Variants in CORO7 observed in about 807,000 individuals in gnomAD.
CORO7 encodes the protein coronin-7.
Under a neutral mutation model 126.6 loss-of-function variants are expected in CORO7, and 107 were observed. That is an observed-to-expected ratio of 0.85 (90% CI 0.72 to 0.99). The LOEUF is 0.99. Among genes scored for constraint, CORO7 ranks in the 50% least tolerant of loss-of-function variants. The probability of loss-of-function intolerance (pLI) is 0.00; values close to 1 mark genes in which losing one functional copy is unlikely to be tolerated. For missense variants in CORO7, 1,314 were observed against 1,255.8 expected, an observed-to-expected ratio of 1.05 and a Z score of -0.70; for synonymous variants, 603 against 536.8, an observed-to-expected ratio of 1.12 and a Z score of -1.70.
At chr16:4,371,780 G>GGCCCCGCCCCTGCCGCGGCGGGCCC (rs2054533446) in intron 9 of CORO7, 2 of 152,168 alleles carry the variant, frequency 1.3e-5, no homozygotes, top group African/African-American at 4.8e-5. Context: ...AATGGGGAGA[G>GGCCCCGCCCCTGCCGCGGCGGGCCC]GCCCCGCCCC....
chr16:4,379,590 G>A (rs1457285805), intron 9 of CORO7, among the ~76,000 whole-genome samples: 1 of 152,150 alleles, frequency 6.6e-6, no homozygotes. Flanking sequence ...TGTCTGCCCT[G>A]ACGTGGCTGC....
At chr16:4,382,690 A>G (rs1186848745) in intron 9 of CORO7, 4 of 1,547,178 alleles carry the variant, frequency 2.6e-6, no homozygotes, top group Non-Finnish European at 3.5e-6. Flanking sequence ...GGGGCGGGCC[A>G]TGGCAGCAGC....
chr16:4,412,763 A>C, intron 2 of CORO7: 1 of 355,216 alleles, frequency 2.8e-6, no homozygotes, highest in Non-Finnish European at 5.2e-6. Context: ...GAAAGAAGCC[A>C]ACACCCAAGG....
intron 2 of CORO7, chr16:4,412,715 T>A (rs2056259311): frequency 9.0e-6 from 4 of 446,694 alleles, no homozygotes; most frequent in African/African-American, 2.0e-5. Flanking sequence ...GTATGGGGCT[T>A]GCAGCTACCG....
At chr16:4,361,638 G>A (rs1434327330) in intron 16 of CORO7, 169 bp from the exon 17 acceptor site, 12 of 874,752 alleles carry the variant, frequency 1.4e-5, no homozygotes, top group African/African-American at 1.3e-4. Flanking sequence ...TGAGCCCCAA[G>A]TGCCAACCAC....
Position 4,364,779 on chromosome 16 carries a change from C to G in CORO7, c.1040G>C (p.Arg347Pro), listed in dbSNP as rs369681515. 1.9e-6 allele frequency: 3 copies of G among 1,610,094 alleles called. No homozygotes were observed. Among genetic ancestry groups the G allele is most frequent in the Non-Finnish European group, 2.5e-6 (3 of 1,178,756 alleles). Reference protein sequence around the residue: ...AIVPIGYHVPRKAVEFHEDLF... With the variant: ...AIVPIGYHVPPKAVEFHEDLF... The stretch of plus-strand genomic sequence containing the variant: ...CCTCGCCCAAGTCCCCCTCACCTTG[C>G]GGGGCACATGGTAGCCGATGGGCAC... Residue 347 changes from arginine (R) to proline (P), a missense_variant, in exon 12 of 28, where the codon CGC (arginine) becomes CCC (proline). Arg to Pro is a moderately radical substitution (Grantham distance 103). Transcript: ENST00000251166.
At chr16:4,405,377 G>T in intron 6 of CORO7, 114 bp downstream of exon 6, 1 of 1,204,234 alleles carries the variant, frequency 8.3e-7, no homozygotes. Flanking sequence ...TGACCATCCT[G>T]ACCTCAGTGC....
chr16:4,378,574 G>A (rs2054835754), intron 9 of CORO7, among the ~76,000 whole-genome samples: 1 of 152,178 alleles, frequency 6.6e-6, no homozygotes, highest in African/African-American at 2.4e-5. Flanking sequence ...TGGGGGAAGA[G>A]AAGGCTAGGG....
intron 13 of CORO7, 51 bp downstream of exon 13, chr16:4,364,546 G>T: frequency 3.3e-6 from 5 of 1,529,088 alleles, no homozygotes; most frequent in Non-Finnish European, 3.5e-6. Flanking sequence ...GCCACACGGG[G>T]CTACCAGGGA....
intron 9 of CORO7, among the ~76,000 whole-genome samples, chr16:4,379,000 AC>A (rs1287787709): frequency 6.6e-6 from 1 of 151,986 alleles, no homozygotes; most frequent in Non-Finnish European, 1.5e-5. Context: ...ACCTCGAGCT[AC>A]CCGCAGACCC....
rs533238405 is a variant in CORO7, at chr16:4,388,144, C to T, written c.703-76G>A. The T allele has an allele frequency of 8.2e-5, 126 of 1,539,554 alleles. 1 individual carries two copies. The Middle Eastern group carries it at 2.1e-3, about 26-fold the overall frequency. On this transcript the variant is annotated intron_variant, in intron 8 of 27. Transcript: ENST00000251166. The stretch of plus-strand genomic sequence containing the variant: ...CCCGGGGGGCTCCCAGGGAAACCAG[C>T]GCCTGAGGGTGCAGCCTGACACGGG...
At chr16:4,381,935 C>G in intron 9 of CORO7, 5 of 1,607,378 alleles carry the variant, frequency 3.1e-6, no homozygotes, top group Non-Finnish European at 4.2e-6. Flanking sequence ...CCAGCCACCA[C>G]CACCACAGCC....
At position 4,401,026 on chromosome 16, in the gene CORO7, A is replaced by C. The variant is rs56218667; in HGVS notation, c.564+4465T>G. ...CAAAAAGAAATGCAGGGGAAAACCA[A>C]GTGAATTCCCGCTCCATGTGCAGCC... On this transcript the variant is annotated intron_variant, in intron 6 of 27. Coordinates refer to ENST00000251166, the MANE Select transcript of CORO7 (RefSeq NM_024535.5). 2.9e-3 allele frequency among the ~76,000 whole-genome samples: 434 copies of C among 152,268 alleles called. 1 individual carries two copies. The highest frequency in any genetic ancestry group is 0.01 in the African/African-American group (417 of 41,550).
chr16:4,412,665 C>A, intron 2 of CORO7: 1 of 539,270 alleles, frequency 1.9e-6, no homozygotes. Flanking sequence ...GAGGTCCTCT[C>A]TTTTTAACAC....
chr16:4,358,729 C>A (rs1407394716), intron 23 of CORO7: 1 of 424,392 alleles, frequency 2.4e-6, no homozygotes, highest in Non-Finnish European at 4.2e-6. Context: ...CACCTCCACT[C>A]CCTGAATGTG....
chr16:4,382,772 A>T, intron 9 of CORO7: 1 of 1,570,570 alleles, frequency 6.4e-7, no homozygotes, highest in Non-Finnish European at 8.6e-7. Flanking sequence ...GTCCCCTTGG[A>T]GCCAGGCCCG....
intron 9 of CORO7, among the ~76,000 whole-genome samples, chr16:4,377,230 C>T (rs919386920): frequency 2.6e-5 from 4 of 152,034 alleles, no homozygotes; most frequent in South Asian, 2.1e-4. Context: ...CCGACGTCCC[C>T]GAATCCCAGG....
chr16:4,366,535 C>CT (rs544549233), intron 9 of CORO7, among the ~76,000 whole-genome samples: 5,058 of 114,346 alleles, frequency 0.044, 377 homozygotes, highest in African/African-American at 0.13. Flanking sequence ...CTGATCTTTG[C>CT]TTTTTTTTTT....
At chr16:4,377,221 C>T (rs968810575) in intron 9 of CORO7, among the ~76,000 whole-genome samples, 3 of 152,136 alleles carry the variant, frequency 2.0e-5, no homozygotes, top group East Asian at 1.9e-4. Flanking sequence ...TCCCACCCCC[C>T]GACGTCCCCG....
Sources: allele counts gnomAD v4.1 joint callset (sites outside exome capture counted in the v4.1 genomes callset), GRCh38; gene constraint gnomAD v4.1.1; transcripts MANE v1.5; gene names NCBI Gene and HGNC (gene_info 2026-07-23, HGNC 2026-07-21).